The following PCCA variants were observed in gnomAD, a reference collection of about 807,000 sequenced individuals.
The protein encoded by PCCA is propionyl-CoA carboxylase subunit alpha.
In PCCA, 74 loss-of-function variants were observed where a neutral mutation model predicts 101.3. That is an observed-to-expected ratio of 0.73 (90% CI 0.61 to 0.89). PCCA has a LOEUF of 0.89. PCCA is among the 40% of genes least tolerant of loss of function. The pLI is 0.00. For missense variants in PCCA, 891 were observed against 907.0 expected (o/e 0.98, Z 0.23); for synonymous variants, 294 against 313.6 (o/e 0.94, Z 0.66).
intron 6 of PCCA, among the ~76,000 whole-genome samples, chr13:100,186,973 A>T (rs986874160): frequency 6.6e-6 from 1 of 152,240 alleles, no homozygotes; most frequent in Non-Finnish European, 1.5e-5. Context: ...AATTGCAATG[A>T]TGAAACATAT....
chr13:100,144,718 C>G (rs1372704548), intron 4 of PCCA, among the ~76,000 whole-genome samples: 2 of 152,102 alleles, frequency 1.3e-5, no homozygotes, highest in Admixed American at 6.5e-5. Flanking sequence ...ATCTTCCTGT[C>G]CCAAATTCCC....
intron 6 of PCCA, among the ~76,000 whole-genome samples, chr13:100,206,130 C>G (rs968368495): frequency 1.3e-5 from 2 of 152,088 alleles, no homozygotes; most frequent in Admixed American, 1.3e-4. Context: ...TAGAGAGATA[C>G]TTTATAAGCA....
At position 100,285,872 on chromosome 13, in the gene PCCA, G is replaced by T. The variant is rs533888114; in HGVS notation, c.1065+12526G>T. Among the ~76,000 whole-genome samples the T allele has an allele frequency of 3.4e-4, 52 of 152,268 alleles. No homozygotes were observed. The South Asian group carries it at 8.5e-3, about 25-fold the overall frequency. Reference sequence around the variant, plus strand: ...GAATGGGATACGAAGGGCAGGTTACGCCATAGTTAGTGATGTAACCATACT... The same window carrying T: ...GAATGGGATACGAAGGGCAGGTTACTCCATAGTTAGTGATGTAACCATACT... On this transcript the variant is annotated intron_variant, in intron 12 of 23. Transcript: ENST00000376285.
intron 8 of PCCA, among the ~76,000 whole-genome samples, chr13:100,238,591 G>C (rs149497396): frequency 9.9e-4 from 150 of 152,198 alleles, no homozygotes; most frequent in African/African-American, 3.4e-3. Context: ...CATAAAATTT[G>C]AGGTAAAATA....
chr13:100,362,948 T>C (rs1352695021), intron 18 of PCCA, among the ~76,000 whole-genome samples: 1 of 152,220 alleles, frequency 6.6e-6, no homozygotes, highest in African/African-American at 2.4e-5. Flanking sequence ...ATCTTTCTTC[T>C]GCAGTGATGA....
At chr13:100,168,404 A>C (rs2055274404) in intron 6 of PCCA, among the ~76,000 whole-genome samples, 1 of 152,204 alleles carries the variant, frequency 6.6e-6, no homozygotes, top group Non-Finnish European at 1.5e-5. Context: ...ATTAGACAGA[A>C]ATAGGAAGGC....
rs1311072412 is a variant in PCCA at position 100,099,314 on chromosome 13, T to TG, written c.106-3569_106-3568insG. On this transcript the variant is annotated intron_variant, in intron 1 of 23. Transcript: ENST00000376285. ...GCTTATGAAAGTAGGTGCTATCTAA[T>TG]CTTTTTTTTTTTTTTTTTTTTGAGA... is the stretch of plus-strand genomic sequence containing the variant. Among the ~76,000 whole-genome samples, 950 of 148,010 alleles carry TG rather than the reference T, an allele frequency of 6.4e-3. 9 individuals carry two copies. Among genetic ancestry groups the TG allele is most frequent in the African/African-American group, 0.023 (910 of 39,210 alleles).
chr13:100,312,883 A>C (rs186074856), intron 16 of PCCA, among the ~76,000 whole-genome samples: 12 of 152,336 alleles, frequency 7.9e-5, no homozygotes, highest in African/African-American at 2.6e-4. Context: ...GCACAGAGAA[A>C]GGTGTGGACA....
chr13:100,528,198 T>C (rs2088021737), intron 23 of PCCA, among the ~76,000 whole-genome samples: 1 of 152,220 alleles, frequency 6.6e-6, no homozygotes, highest in Non-Finnish European at 1.5e-5. Context: ...AAACCCCATG[T>C]ACATGTGGGA....
chr13:100,166,256 C>G (rs2055024419), intron 6 of PCCA, among the ~76,000 whole-genome samples: 1 of 151,812 alleles, frequency 6.6e-6, no homozygotes, highest in South Asian at 2.1e-4. Flanking sequence ...TTTTTTTCAC[C>G]CAGCAAAATT....
At chr13:100,118,070 C>T (rs1166216417) in intron 4 of PCCA, among the ~76,000 whole-genome samples, 4 of 147,624 alleles carry the variant, frequency 2.7e-5, no homozygotes, top group South Asian at 4.3e-4. Flanking sequence ...GAGCTGAGAT[C>T]GTGCCACTGC....
intron 8 of PCCA, among the ~76,000 whole-genome samples, chr13:100,254,641 C>A (rs1166976368): frequency 6.6e-6 from 1 of 152,128 alleles, no homozygotes; most frequent in East Asian, 1.9e-4. Context: ...GTGGATTATT[C>A]TTTTCCCTCC....
rs770969017 is a variant in PCCA, at chr13:100,089,097, G to C, written c.-24G>C. ...CCTCCGGCTGTGTGAGAGGTCAGCA[G>C]AGGGGCGGTCTGCGGGGACAACAAT... On this transcript the variant is annotated 5_prime_UTR_variant, in exon 1 of 24. Transcript: ENST00000376285. 184 of 1,463,482 alleles carry C rather than the reference G, an allele frequency of 1.3e-4. No homozygotes were observed. Among genetic ancestry groups the C allele is most frequent in the Non-Finnish European group, 1.6e-4 (176 of 1,101,236 alleles). The allele number at this position is 1,463,482 out of a possible 1,614,324, so 90.7% of individuals were successfully genotyped here.
chr13:100,512,590 C>A (rs1053703180), intron 21 of PCCA, among the ~76,000 whole-genome samples: 3 of 152,176 alleles, frequency 2.0e-5, no homozygotes, highest in Non-Finnish European at 4.4e-5. Context: ...CATCTTCCGG[C>A]TCCATGGCAG....
intron 16 of PCCA, among the ~76,000 whole-genome samples, chr13:100,321,580 C>T (rs899081702): frequency 1.6e-4 from 14 of 85,174 alleles, no homozygotes; most frequent in African/African-American, 6.8e-4. Context: ...TGGGCATGCG[C>T]TATAGAAGAT....
intron 21 of PCCA, among the ~76,000 whole-genome samples, chr13:100,462,725 G>A (rs1489771592): frequency 6.6e-6 from 1 of 152,168 alleles, no homozygotes; most frequent in Non-Finnish European, 1.5e-5. Context: ...AGCATTTAAT[G>A]GTAGTCATGA....
In PCCA at chr13:100,410,151, G is replaced by A. The variant is rs189783349; in HGVS notation, c.1747-15482G>A. Among the ~76,000 whole-genome samples, 228 of 152,260 alleles carry A rather than the reference G, an allele frequency of 1.5e-3. 2 individuals carry two copies. The highest frequency in any genetic ancestry group is 5.2e-3 in the African/African-American group (217 of 41,558). ...TGTACTATATGGACTGGGATTCTTT[G>A]GTACAAAACGTGACTGTCCAAATAG... On this transcript the variant is annotated intron_variant, in intron 19 of 23. Coordinates refer to ENST00000376285, the MANE Select transcript of PCCA (RefSeq NM_000282.4).
chr13:100,170,681 G>A (rs1009864249), intron 6 of PCCA, among the ~76,000 whole-genome samples: 2 of 152,144 alleles, frequency 1.3e-5, no homozygotes, highest in Non-Finnish European at 2.9e-5. Flanking sequence ...ATTGTTGAGT[G>A]CAGATAAAAA....
chr13:100,450,929 TCAA>T (rs767665139), intron 21 of PCCA, among the ~76,000 whole-genome samples: 8 of 152,190 alleles, frequency 5.3e-5, no homozygotes, highest in Non-Finnish European at 4.4e-5. Context: ...AGAAATGGAA[TCAA>T]CAAGATGTGT....
Sources: gnomAD v4.1 joint callset for allele counts (sites outside exome capture counted in the v4.1 genomes callset) on GRCh38, gnomAD v4.1.1 for gene constraint, MANE v1.5 for transcripts, NCBI Gene and HGNC (gene_info 2026-07-23, HGNC 2026-07-21) for gene names.